The following GPAT3 variants were observed in gnomAD, a reference collection of about 807,000 sequenced individuals.
GPAT3 encodes the protein glycerol-3-phosphate acyltransferase 3, also known as 1-AGP acyltransferase 9.
Under a neutral mutation model 58.8 loss-of-function variants are expected in GPAT3, and 53 were observed. That is an observed-to-expected ratio of 0.90 (90% CI 0.72 to 1.13). GPAT3 has a LOEUF of 1.13. Among genes scored for constraint, GPAT3 ranks in the 50% most tolerant of loss-of-function variants. GPAT3 has a pLI of 0.00. For missense variants in GPAT3, 511 were observed against 527.6 expected (o/e 0.97, Z 0.31); for synonymous variants, 197 against 187.4 (o/e 1.05, Z -0.42).
intron 3 of GPAT3, among the ~76,000 whole-genome samples, chr4:83,583,988 CA>C (rs1203891057): frequency 6.6e-6 from 1 of 151,936 alleles, no homozygotes; most frequent in Non-Finnish European, 1.5e-5. Flanking sequence ...TAAACAACAA[CA>C]ACAACAACAA....
chr4:83,552,629 G>T (rs1232494143), intron 2 of GPAT3, among the ~76,000 whole-genome samples: 1 of 152,168 alleles, frequency 6.6e-6, no homozygotes, highest in Non-Finnish European at 1.5e-5. Flanking sequence ...AGCAGACAAA[G>T]AAATCTTCCT....
At chr4:83,566,220 G>A (rs531393826) in intron 2 of GPAT3, among the ~76,000 whole-genome samples, 7 of 152,012 alleles carry the variant, frequency 4.6e-5, no homozygotes, top group Non-Finnish European at 8.8e-5. Context: ...TTGTATTTTT[G>A]TAGAGACGGC....
At chr4:83,581,427 CT>C (rs1726120286) in intron 2 of GPAT3, 134 bp from the exon 3 acceptor site, 1 of 916,914 alleles carries the variant, frequency 1.1e-6, no homozygotes, top group African/African-American at 1.7e-5. Context: ...TCTCTTACTT[CT>C]GAAGATGGCT....
intron 1 of GPAT3, among the ~76,000 whole-genome samples, chr4:83,537,623 G>GTATATA (rs371972226): frequency 3.9e-4 from 57 of 144,360 alleles, no homozygotes; most frequent in Non-Finnish European, 1.8e-4. Flanking sequence ...GTGTGTGTGT[G>GTATATA]TGTATATTTA....
In GPAT3 at chr4:83,544,653, G is replaced by A. The variant is rs377625213; in HGVS notation, c.208+51G>A. On this transcript the variant is annotated intron_variant, in intron 2 of 11. Coordinates refer to ENST00000264409, the MANE Select transcript of GPAT3 (RefSeq NM_032717.5). ...GTTACCATATTTAAATTGGGTGGAT[G>A]TAAACCTACCCAATTTGAACTTGAA... 1.1e-5 allele frequency: 17 copies of A among 1,535,816 alleles called. No individual in the cohort carries two copies. The African/African-American group carries it at 1.9e-4, about 17-fold the overall frequency.
chr4:83,587,645 C>G (rs1293657002), intron 4 of GPAT3, among the ~76,000 whole-genome samples: 1 of 152,120 alleles, frequency 6.6e-6, no homozygotes, highest in Admixed American at 6.5e-5. Context: ...CCAGGGGGGT[C>G]TCGAACTCCT....
At position 83,604,797 on chromosome 4, in the gene GPAT3, A is replaced by C; in HGVS notation, c.*30A>C. 6.5e-7 allele frequency: 1 copy of C among 1,549,470 alleles called. No individual in the cohort carries two copies. The highest frequency in any genetic ancestry group is 8.8e-7 in the Non-Finnish European group (1 of 1,131,598). ...ACGGATGACAGCCTTTAGATCTAGAACTAGCCCTTAGAAATGGAATGGCTT... is the reference window on the plus strand; with the variant it reads ...ACGGATGACAGCCTTTAGATCTAGACCTAGCCCTTAGAAATGGAATGGCTT... On this transcript the variant is annotated 3_prime_UTR_variant, in exon 12 of 12. Transcript: ENST00000264409.
At chr4:83,574,972 G>T (rs986867467) in intron 2 of GPAT3, among the ~76,000 whole-genome samples, 2 of 150,266 alleles carry the variant, frequency 1.3e-5, no homozygotes, top group Non-Finnish European at 3.0e-5. Flanking sequence ...GCCCCCTGGG[G>T]TTCACGCCAT....
rs1725526212 is a variant in GPAT3 at position 83,569,553 on chromosome 4, G to GT, written c.209-12008dup. Among the ~76,000 whole-genome samples the GT allele has an allele frequency of 3.3e-5, 5 of 152,210 alleles. 1 individual carries two copies. Among genetic ancestry groups the GT allele is most frequent in the Admixed American group, 3.3e-4 (5 of 15,288 alleles). The stretch of plus-strand genomic sequence containing the variant: ...TTTCTAAACCTTGACTATGTCATCT[G>GT]TGAGATGTGTAGGGAAGCTGCTTCT... On this transcript the variant is annotated intron_variant, in intron 2 of 11. Transcript: ENST00000264409.
In GPAT3 at chr4:83,536,542, C is replaced by T; in HGVS notation, c.-81C>T. 1 of 1,538,802 alleles carries T rather than the reference C, an allele frequency of 6.5e-7. No individual in the cohort carries two copies. On this transcript the variant is annotated 5_prime_UTR_variant, in exon 1 of 12. Transcript: ENST00000264409. ...GCTCGGCGCTCTGCTCCTGGAGCTC[C>T]CGCGGGACTGCCTGGGGACAGGGAC...
chr4:83,578,943 T>TTC (rs1553946746), intron 2 of GPAT3, among the ~76,000 whole-genome samples: 2 of 9,330 alleles, frequency 2.1e-4, no homozygotes, highest in African/African-American at 5.4e-4. Context: ...CTTTCTTTTC[T>TTC]TTTCTTTTCT....
chr4:83,602,226 GA>G (rs771583747), intron 11 of GPAT3, among the ~76,000 whole-genome samples: 1 of 152,154 alleles, frequency 6.6e-6, no homozygotes. Flanking sequence ...TCAGACACAG[GA>G]AGGGAAGAAA....
intron 2 of GPAT3, among the ~76,000 whole-genome samples, chr4:83,571,612 A>G (rs1725606715): frequency 1.3e-5 from 2 of 151,580 alleles, no homozygotes; most frequent in South Asian, 2.1e-4. Context: ...CATATGAAAT[A>G]CTTATTAATC....
chr4:83,587,647 C>A (rs577429374), intron 4 of GPAT3, among the ~76,000 whole-genome samples: 1 of 152,036 alleles, frequency 6.6e-6, no homozygotes, highest in Non-Finnish European at 1.5e-5. Flanking sequence ...AGGGGGGTCT[C>A]GAACTCCTGA....
At chr4:83,568,653 A>G (rs542125801) in intron 2 of GPAT3, among the ~76,000 whole-genome samples, 14 of 151,972 alleles carry the variant, frequency 9.2e-5, no homozygotes, top group African/African-American at 3.4e-4. Flanking sequence ...GACTACAGGC[A>G]CCCGCCACCA....
At chr4:83,572,393 T>G (rs1348990679) in intron 2 of GPAT3, among the ~76,000 whole-genome samples, 2 of 152,226 alleles carry the variant, frequency 1.3e-5, no homozygotes, top group African/African-American at 4.8e-5. Context: ...TATTAATTTT[T>G]TAAAAGTAGA....
chr4:83,578,985 T>TTTCTTTCTTTCTTTCTTTCTTTCC (rs1560620736), intron 2 of GPAT3, among the ~76,000 whole-genome samples: 4 of 131,864 alleles, frequency 3.0e-5, no homozygotes, highest in South Asian at 2.5e-4. Context: ...TCTTTCTTTC[T>TTTCTTTCTTTCTTTCTTTCTTTCC]TTCCTTCCTT....
intron 2 of GPAT3, among the ~76,000 whole-genome samples, chr4:83,581,116 A>AT (rs1726105557): frequency 6.6e-6 from 1 of 151,190 alleles, no homozygotes. Flanking sequence ...AAAAAAAAAA[A>AT]AAAAATCAAC....
Position 83,596,925 on chromosome 4 carries a change from C to T in GPAT3, c.910+12C>T. On this transcript the variant is annotated intron_variant, in intron 8 of 11. Transcript: ENST00000264409. ...AATTTTTCCTGAAGGTAAGAATGGG[C>T]CTGCCTCCCGAGCTATAGTTGATAA... 1 of 1,599,392 alleles carries T rather than the reference C, an allele frequency of 6.3e-7. No individual in the cohort carries two copies. The highest frequency in any genetic ancestry group is 8.5e-7 in the Non-Finnish European group (1 of 1,172,882).
Sources: allele counts gnomAD v4.1 joint callset (sites outside exome capture counted in the v4.1 genomes callset), GRCh38; gene constraint gnomAD v4.1.1; transcripts MANE v1.5; gene names NCBI Gene and HGNC (gene_info 2026-07-23, HGNC 2026-07-21).